The following LRRTM4 variants were observed in gnomAD, a reference collection of about 807,000 sequenced individuals.
LRRTM4 encodes the protein leucine rich repeat transmembrane neuronal 4.
In LRRTM4, 25 loss-of-function variants were observed where a neutral mutation model predicts 47.6. The observed-to-expected ratio is 0.53, with a 90% CI of 0.38 to 0.73. The LOEUF (loss-of-function observed/expected upper bound fraction) is 0.73. LRRTM4 is among the 30% of genes least tolerant of loss of function. LRRTM4 has a pLI of 0.00. For synonymous variants in LRRTM4, 311 were observed against 269.5 expected (o/e 1.15, Z -1.51); for missense variants, 638 against 713.4 (o/e 0.89, Z 1.20).
intron 3 of LRRTM4, among the ~76,000 whole-genome samples, chr2:77,303,178 C>T (rs755397866): frequency 2.6e-5 from 4 of 151,938 alleles, no homozygotes; most frequent in South Asian, 2.1e-4. Flanking sequence ...GCTTAAAACC[C>T]GGTGTCTCGG....
chr2:77,375,808 C>T (rs530064920), intron 3 of LRRTM4, among the ~76,000 whole-genome samples: 2 of 151,818 alleles, frequency 1.3e-5, no homozygotes, highest in South Asian at 2.1e-4. Flanking sequence ...CATGTATGTA[C>T]CACATTTCCT....
chr2:76,833,846 G>A (rs1163739472), intron 3 of LRRTM4, among the ~76,000 whole-genome samples: 1 of 151,302 alleles, frequency 6.6e-6, no homozygotes, highest in Non-Finnish European at 1.5e-5. Flanking sequence ...TATATACTGT[G>A]CTATTTAATC....
intron 3 of LRRTM4, among the ~76,000 whole-genome samples, chr2:76,886,842 A>G (rs1357500292): frequency 2.0e-5 from 3 of 152,020 alleles, no homozygotes; most frequent in Admixed American, 1.3e-4. Context: ...AAATAAATGA[A>G]AAGCTCATAT....
In LRRTM4 at chr2:77,484,646, G is replaced by A. The variant is rs143236335; in HGVS notation, c.1551+33672C>T. Among the ~76,000 whole-genome samples, 213 of 152,182 alleles carry A rather than the reference G, an allele frequency of 1.4e-3. 2 individuals are homozygous for A. The East Asian group carries it at 0.032, about 23-fold the overall frequency. On this transcript the variant is annotated intron_variant, in intron 3 of 3. Transcript: ENST00000409884. ...AAATGCATAATTATGGTTATATCAA[G>A]TAAAAACATATTTTTCAGACATCCA...
At chr2:77,476,374 G>C in intron 3 of LRRTM4, among the ~76,000 whole-genome samples, 1 of 151,920 alleles carries the variant, frequency 6.6e-6, no homozygotes, top group Non-Finnish European at 1.5e-5. Context: ...ATAATGACAT[G>C]AATAAGAAAT....
chr2:76,801,645 C>T (rs1486163851), intron 3 of LRRTM4, among the ~76,000 whole-genome samples: 2 of 151,638 alleles, frequency 1.3e-5, no homozygotes, highest in Non-Finnish European at 2.9e-5. Context: ...GCACATGTAC[C>T]CTAAAACTTA....
rs146477551 is a variant in LRRTM4 at position 77,044,572 on chromosome 2, A to G, written c.1552-295656T>C. 6.7e-4 allele frequency among the ~76,000 whole-genome samples: 101 copies of G among 151,540 alleles called. 1 individual carries two copies. Among genetic ancestry groups the G allele is most frequent in the African/African-American group, 2.3e-3 (97 of 41,354 alleles). Reference sequence around the variant, plus strand: ...TGTGTCTGTGAGTGTGTGTGTGTGCATGCAAAAGGGAGGATTTAGTGGGAG... The same window carrying G: ...TGTGTCTGTGAGTGTGTGTGTGTGCGTGCAAAAGGGAGGATTTAGTGGGAG... On this transcript the variant is annotated intron_variant, in intron 3 of 3. Transcript: ENST00000409884.
intron 3 of LRRTM4, among the ~76,000 whole-genome samples, chr2:76,841,577 C>T (rs1671683491): frequency 6.7e-6 from 1 of 148,966 alleles, no homozygotes; most frequent in South Asian, 2.1e-4. Context: ...AATTTAAATG[C>T]AATATAATTT....
At chr2:76,913,628 C>A (rs1333354317) in intron 3 of LRRTM4, among the ~76,000 whole-genome samples, 1 of 149,338 alleles carries the variant, frequency 6.7e-6, no homozygotes, top group Non-Finnish European at 1.5e-5. Flanking sequence ...CAACCTCTGC[C>A]TCCAGGGATA....
At chr2:77,151,036 T>C (rs985958601) in intron 3 of LRRTM4, among the ~76,000 whole-genome samples, 2 of 152,192 alleles carry the variant, frequency 1.3e-5, no homozygotes, top group Non-Finnish European at 2.9e-5. Flanking sequence ...TTACTGTGTA[T>C]GATTTGGTAA....
At chr2:77,376,003 G>C (rs534910316) in intron 3 of LRRTM4, among the ~76,000 whole-genome samples, 1 of 151,814 alleles carries the variant, frequency 6.6e-6, no homozygotes, top group East Asian at 1.9e-4. Flanking sequence ...GAATCATGCA[G>C]TACTTGTTCC....
At chr2:76,888,323 T>C (rs1017088311) in intron 3 of LRRTM4, among the ~76,000 whole-genome samples, 1 of 151,418 alleles carries the variant, frequency 6.6e-6, no homozygotes, top group African/African-American at 2.4e-5. Flanking sequence ...TAGAAGTATA[T>C]TTATATTTTA....
rs374495625 is a variant in LRRTM4, at chr2:77,307,037, C to T, written c.1551+211281G>A. 5.4e-3 allele frequency among the ~76,000 whole-genome samples: 807 copies of T among 150,766 alleles called. 2 individuals are homozygous for T. The highest frequency in any genetic ancestry group is 0.019 in the African/African-American group (771 of 40,576). On this transcript the variant is annotated intron_variant, in intron 3 of 3. Coordinates refer to ENST00000409884, the MANE Select transcript of LRRTM4 (RefSeq NM_001134745.3). ...GCCTCAGCCTCCCGCGTAGCTGGGA[C>T]TACAGGCGCCCACCACCACGCCCGG...
rs537161733 is a variant in LRRTM4 at position 76,898,019 on chromosome 2, C to A, written c.1552-149103G>T. 1.6e-4 allele frequency among the ~76,000 whole-genome samples: 25 copies of A among 152,152 alleles called. No homozygotes were observed. In the South Asian group the frequency reaches 5.0e-3, roughly 30 times the overall value. ...TAAACTGCAGTCCTAACAGGATGGC[C>A]CAGATTTGCTCCTTTGTTCAGTTTC... is the stretch of plus-strand genomic sequence containing the variant. On this transcript the variant is annotated intron_variant, in intron 3 of 3. Coordinates refer to ENST00000409884, the MANE Select transcript of LRRTM4 (RefSeq NM_001134745.3).
intron 3 of LRRTM4, among the ~76,000 whole-genome samples, chr2:76,870,336 C>T (rs1672587338): frequency 6.6e-6 from 1 of 152,144 alleles, no homozygotes; most frequent in Admixed American, 6.6e-5. Flanking sequence ...ACAACCCTCC[C>T]TGGCATCTCT....
At chr2:77,289,803 A>G (rs375096769) in intron 3 of LRRTM4, among the ~76,000 whole-genome samples, 105 of 152,174 alleles carry the variant, frequency 6.9e-4, no homozygotes, top group African/African-American at 2.4e-3. Flanking sequence ...ATATTTGTTT[A>G]ATATGAAGAA....
At chr2:77,130,824 AT>A (rs768577274) in intron 3 of LRRTM4, among the ~76,000 whole-genome samples, 451 of 35,596 alleles carry the variant, frequency 0.013, no homozygotes, top group Admixed American at 0.017. Context: ...TATTTGTTCT[AT>A]TTTTTTTTTT....
At chr2:76,956,774 C>T (rs1260919158) in intron 3 of LRRTM4, among the ~76,000 whole-genome samples, 2 of 149,422 alleles carry the variant, frequency 1.3e-5, no homozygotes, top group East Asian at 3.9e-4. Context: ...ACAAATAAGG[C>T]CACAAAAGAA....
intron 3 of LRRTM4, among the ~76,000 whole-genome samples, chr2:77,167,680 T>A (rs1672926126): frequency 6.6e-6 from 1 of 152,152 alleles, no homozygotes; most frequent in Non-Finnish European, 1.5e-5. Context: ...GAAACCGTCA[T>A]TCTGAGCAAA....
Sources: allele counts gnomAD v4.1 joint callset (sites outside exome capture counted in the v4.1 genomes callset), GRCh38; gene constraint gnomAD v4.1.1; transcripts MANE v1.5; gene names NCBI Gene and HGNC (gene_info 2026-07-23, HGNC 2026-07-21).